Variants in CACNA2D3 observed in about 807,000 individuals in gnomAD.
The protein encoded by CACNA2D3 is voltage-dependent calcium channel subunit alpha-2/delta-3.
A neutral mutation model predicts 160.6 loss-of-function variants in CACNA2D3; 60 were observed. The ratio of observed to expected loss-of-function variants is 0.37; its 90% confidence interval spans 0.30 to 0.46. The LOEUF (loss-of-function observed/expected upper bound fraction) is 0.46, where lower values mean the gene tolerates loss of function less well. CACNA2D3 is among the 20% of genes least tolerant of loss of function. CACNA2D3 has a pLI of 1.00. For synonymous variants in CACNA2D3, 558 were observed against 492.9 expected (o/e 1.13, Z -1.75); for missense variants, 1,205 against 1,365.0 (o/e 0.88, Z 1.85).
At chr3:54,465,623 A>G (rs1180595600) in intron 4 of CACNA2D3, among the ~76,000 whole-genome samples, 2 of 152,186 alleles carry the variant, frequency 1.3e-5, no homozygotes, top group Non-Finnish European at 2.9e-5. Context: ...CCAAGTGCAT[A>G]CACTCCATTT....
chr3:54,500,925 G>C (rs1701284855), intron 4 of CACNA2D3, among the ~76,000 whole-genome samples: 1 of 152,176 alleles, frequency 6.6e-6, no homozygotes, highest in Non-Finnish European at 1.5e-5. Flanking sequence ...TTTTCTCACA[G>C]TTCTGGAGGC....
intron 11 of CACNA2D3, among the ~76,000 whole-genome samples, chr3:54,741,692 A>C (rs951634847): frequency 2.6e-5 from 4 of 151,572 alleles, no homozygotes; most frequent in Admixed American, 2.0e-4. Flanking sequence ...TCTGCTTTGG[A>C]GTTTTCCTTG....
intron 27 of CACNA2D3, among the ~76,000 whole-genome samples, chr3:54,960,269 C>T (rs1469048774): frequency 6.6e-6 from 1 of 152,014 alleles, no homozygotes; most frequent in Non-Finnish European, 1.5e-5. Context: ...GCTATTTCTC[C>T]TCCCTCTCTC....
At chr3:54,490,741 A>G (rs1286142676) in intron 4 of CACNA2D3, among the ~76,000 whole-genome samples, 2 of 152,130 alleles carry the variant, frequency 1.3e-5, no homozygotes, top group African/African-American at 4.8e-5. Context: ...TGGAGTGAAT[A>G]CCATGAGGGA....
intron 9 of CACNA2D3, among the ~76,000 whole-genome samples, chr3:54,592,203 C>G (rs552767154): frequency 1.3e-5 from 2 of 152,018 alleles, no homozygotes; most frequent in Non-Finnish European, 2.9e-5. Context: ...TTAAAAATGT[C>G]GAAGAGGTAG....
At chr3:54,666,683 T>G (rs1326229529) in intron 11 of CACNA2D3, among the ~76,000 whole-genome samples, 1 of 152,218 alleles carries the variant, frequency 6.6e-6, no homozygotes, top group Non-Finnish European at 1.5e-5. Context: ...CTCTCCCAAC[T>G]TGTCCTTTAA....
intron 4 of CACNA2D3, among the ~76,000 whole-genome samples, chr3:54,442,002 T>TA (rs1700152379): frequency 6.6e-6 from 1 of 152,194 alleles, no homozygotes; most frequent in African/African-American, 2.4e-5. Flanking sequence ...ATGGAGGTCT[T>TA]ACGACTGTGT....
At chr3:54,202,914 G>C (rs1701204161) in intron 2 of CACNA2D3, among the ~76,000 whole-genome samples, 2 of 152,202 alleles carry the variant, frequency 1.3e-5, no homozygotes, top group African/African-American at 4.8e-5. Flanking sequence ...GCTTAGGGGA[G>C]AGTGTATGTT....
intron 11 of CACNA2D3, among the ~76,000 whole-genome samples, chr3:54,709,011 C>CTT (rs35102613): frequency 2.1e-5 from 3 of 142,140 alleles, no homozygotes; most frequent in Admixed American, 7.0e-5. Context: ...CCATCTTCAT[C>CTT]TTTTTTTTTT....
At chr3:55,074,073 G>A (rs1032288353) in intron 37 of CACNA2D3, 41 bp from the exon 38 acceptor site, 1 of 1,520,434 alleles carries the variant, frequency 6.6e-7, no homozygotes, top group African/African-American at 1.4e-5. Context: ...AGGTGTCCTG[G>A]AGTCTATTTC....
At chr3:54,419,326 C>G (rs1699802976) in intron 4 of CACNA2D3, among the ~76,000 whole-genome samples, 1 of 152,202 alleles carries the variant, frequency 6.6e-6, no homozygotes, top group South Asian at 2.1e-4. Flanking sequence ...TCAGAGAGAA[C>G]AAAAGACCTG....
intron 5 of CACNA2D3, among the ~76,000 whole-genome samples, chr3:54,506,883 T>C (rs1428052379): frequency 1.3e-5 from 2 of 152,204 alleles, no homozygotes; most frequent in Admixed American, 6.5e-5. Flanking sequence ...TTGCAAGAAC[T>C]GCTGATGATC....
chr3:54,524,026 C>A (rs1414259885), intron 5 of CACNA2D3, among the ~76,000 whole-genome samples: 1 of 149,288 alleles, frequency 6.7e-6, no homozygotes, highest in South Asian at 2.1e-4. Flanking sequence ...TTTATTATTT[C>A]TTTCCTTCTT....
chr3:54,819,489 A>G (rs1463556444), intron 14 of CACNA2D3, among the ~76,000 whole-genome samples: 3 of 152,106 alleles, frequency 2.0e-5, no homozygotes, highest in Non-Finnish European at 2.9e-5. Flanking sequence ...CTCAAGCCTA[A>G]TGAATAACTG....
At position 55,018,180 on chromosome 3, in the gene CACNA2D3, C is replaced by T. The variant is rs752585261; in HGVS notation, c.2876-26C>T. On this transcript the variant is annotated intron_variant, in intron 34 of 37. Transcript: ENST00000474759. ...TGAGCCTGTGCCTTGCATTCTTTAC[C>T]TTTTTTTTTCCCACTATCCCTACAG... The T allele has an allele frequency of 4.1e-6, 6 of 1,455,408 alleles. No individual in the cohort carries two copies. In the African/African-American group the frequency reaches 5.6e-5, roughly 14 times the overall value. The allele number at this position is 1,455,408 out of a possible 1,614,324, so 90.2% of individuals were successfully genotyped here.
chr3:54,458,747 T>G (rs1284003981), intron 4 of CACNA2D3, among the ~76,000 whole-genome samples: 1 of 150,712 alleles, frequency 6.6e-6, no homozygotes, highest in East Asian at 1.9e-4. Context: ...TGTTATTTCC[T>G]TAAATACATT....
At chr3:54,769,624 AT>A (rs1335927060) in intron 13 of CACNA2D3, among the ~76,000 whole-genome samples, 2 of 152,192 alleles carry the variant, frequency 1.3e-5, no homozygotes, top group Non-Finnish European at 2.9e-5. Context: ...TTAAATGTCT[AT>A]GCATAGTATG....
chr3:55,069,003 T>G (rs752701153), intron 35 of CACNA2D3, among the ~76,000 whole-genome samples: 6 of 152,248 alleles, frequency 3.9e-5, no homozygotes, highest in Non-Finnish European at 8.8e-5. Flanking sequence ...CTTTCTCCAT[T>G]ATTTGATATT....
intron 2 of CACNA2D3, among the ~76,000 whole-genome samples, chr3:54,174,471 G>A (rs1251808362): frequency 6.6e-6 from 1 of 152,164 alleles, no homozygotes; most frequent in East Asian, 1.9e-4. Flanking sequence ...TTTCTTAATT[G>A]TGGATGAGGT....
Sources: gnomAD v4.1 joint callset for allele counts (sites outside exome capture counted in the v4.1 genomes callset) on GRCh38, gnomAD v4.1.1 for gene constraint, MANE v1.5 for transcripts, NCBI Gene and HGNC (gene_info 2026-07-23, HGNC 2026-07-21) for gene names.